The following OR2L3 variants were observed in gnomAD, a reference collection of about 807,000 sequenced individuals.
OR2L3 encodes olfactory receptor family 2 subfamily L member 3.
For missense variants in OR2L3, 369 were observed against 376.6 expected, an observed-to-expected ratio of 0.98 and a Z score of 0.17; for synonymous variants, 131 against 139.1, an observed-to-expected ratio of 0.94 and a Z score of 0.41.
chr1:248,055,038 C>T (rs551174533), intron 1 of OR2L3, among the ~76,000 whole-genome samples: 2 of 152,224 alleles, frequency 1.3e-5, no homozygotes, highest in East Asian at 3.9e-4. Context: ...GGAATGCTTC[C>T]AGTTTTTGCC....
intron 1 of OR2L3, among the ~76,000 whole-genome samples, chr1:248,055,405 T>C (rs1663402099): frequency 2.0e-5 from 3 of 152,182 alleles, no homozygotes; most frequent in Admixed American, 2.0e-4. Context: ...AGTTTTCTTT[T>C]TTTTTTGTTA....
rs757282457 is a variant in OR2L3, at chr1:248,061,393, C to T, written c.712C>T (p.Leu238=). The T allele has an allele frequency of 1.9e-5, 30 of 1,613,958 alleles. No homozygotes were observed. The highest frequency in any genetic ancestry group is 1.7e-4 in the African/African-American group (13 of 74,878). The change falls in exon 2 of 2, where the codon CTG becomes TTG. Residue 238 remains leucine, a synonymous_variant. Coordinates refer to ENST00000359959, the MANE Select transcript of OR2L3 (RefSeq NM_001004687.2). ...TGCAGAAGGGAGGAAGAAAGCCTACCTGACCTGCAGCACCCACCTCACTGT... is the reference window on the plus strand; with the variant it reads ...TGCAGAAGGGAGGAAGAAAGCCTACTTGACCTGCAGCACCCACCTCACTGT... ...KSAEGRKKAY[L]TCSTHLTVVT... is the part of the protein sequence containing the mutation.
rs1257946024 is a variant in OR2L3, at chr1:248,061,343, T to C, written c.662T>C (p.Leu221Pro). ...IAISCSYGRV[L>P]LAVYHMKSAE... ...ATTTCATGTTCCTATGGCCGGGTTCTCCTTGCTGTCTACCACATGAAATCT... is the reference window on the plus strand; with the variant it reads ...ATTTCATGTTCCTATGGCCGGGTTCCCCTTGCTGTCTACCACATGAAATCT... Residue 221 changes from leucine (L) to proline (P), a missense_variant, in exon 2 of 2, where the codon CTC becomes CCC. By Grantham distance (98) the Leu-to-Pro change is moderately conservative. Coordinates refer to ENST00000359959, the MANE Select transcript of OR2L3 (RefSeq NM_001004687.2). 5.6e-6 allele frequency: 9 copies of C among 1,613,796 alleles called. No homozygotes were observed. The Admixed American group carries it at 1.3e-4, about 24-fold the overall frequency.
In OR2L3 at chr1:248,060,717, C is replaced by T. The variant is rs1367140085; in HGVS notation, c.36C>T (p.Ile12=). The change falls in exon 2 of 2, where the codon ATC becomes ATT. Residue 12 remains isoleucine (I), a synonymous_variant. Coordinates refer to ENST00000359959, the MANE Select transcript of OR2L3 (RefSeq NM_001004687.2). ...ACAATCAAACATCAACTGATTTCAT[C>T]TTATTAGGATTCTTCCCACCATCAA... ...ENYNQTSTDF[I]LLGFFPPSRI... is the part of the protein sequence containing the mutation. The T allele has an allele frequency of 6.2e-7, 1 of 1,613,852 alleles. No individual in the cohort carries two copies. Among genetic ancestry groups the T allele is most frequent in the Non-Finnish European group, 8.5e-7 (1 of 1,179,860 alleles).
intron 1 of OR2L3, among the ~76,000 whole-genome samples, chr1:248,048,297 C>A (rs965157390): frequency 6.6e-5 from 10 of 152,168 alleles, no homozygotes; most frequent in Admixed American, 3.3e-4. Flanking sequence ...GGTTCTCCAA[C>A]TTCATACCCT....
intron 1 of OR2L3, among the ~76,000 whole-genome samples, chr1:248,047,373 G>A (rs1437308390): frequency 6.6e-6 from 1 of 152,064 alleles, no homozygotes; most frequent in East Asian, 1.9e-4. Context: ...TGAAATGCCT[G>A]GAAAGTATTA....
Position 248,062,837 on chromosome 1 carries a change from A to G in OR2L3, c.*1217A>G, listed in dbSNP as rs1197954225. On this transcript the variant is annotated 3_prime_UTR_variant, in exon 2 of 2. Coordinates refer to ENST00000359959, the MANE Select transcript of OR2L3 (RefSeq NM_001004687.2). ...CATTGTATGCCTTTATCAAAGCATC[A>G]CATACACTCCGCAATTATATATTAC... 1 of 152,218 alleles carries G rather than the reference A, an allele frequency of 6.6e-6. No individual in the cohort carries two copies. Among genetic ancestry groups the G allele is most frequent in the Non-Finnish European group, 1.5e-5 (1 of 68,038 alleles). The allele number at this position is 152,218 out of a possible 1,614,324, so 9.4% of individuals were successfully genotyped here.
chr1:248,061,721 G>T lies in OR2L3; in HGVS notation c.*101G>T. 9.2e-7 allele frequency: 1 copy of T among 1,083,884 alleles called. No individual in the cohort carries two copies. The highest frequency in any genetic ancestry group is 1.3e-6 in the Non-Finnish European group (1 of 785,672). The allele number at this position is 1,083,884 out of a possible 1,614,324, so 67.1% of individuals were successfully genotyped here. A position where few individuals can be genotyped will look rare whatever the true frequency, so the allele number is the denominator to read the frequency against. The stretch of plus-strand genomic sequence containing the variant: ...CAATCCTAGAGTTCAGGAGCTAAAA[G>T]TAATCAAGGTAAGAGAAAAAAATCA... On this transcript the variant is annotated 3_prime_UTR_variant, in exon 2 of 2. Transcript: ENST00000359959.
intron 1 of OR2L3, among the ~76,000 whole-genome samples, chr1:248,056,203 G>T (rs1663427789): frequency 6.6e-6 from 1 of 151,920 alleles, no homozygotes; most frequent in Non-Finnish European, 1.5e-5. Flanking sequence ...TTAAGTTTTA[G>T]GGTACATGTG....
At chr1:248,058,489 A>G (rs1029887178) in intron 1 of OR2L3, among the ~76,000 whole-genome samples, 1 of 152,092 alleles carries the variant, frequency 6.6e-6, no homozygotes, top group Non-Finnish European at 1.5e-5. Context: ...TATGGAATTT[A>G]TTGCTACAAT....
chr1:248,058,738 AT>A lies in OR2L3; in HGVS notation c.-21-1918del, dbSNP rs201717059. On this transcript the variant is annotated intron_variant, in intron 1 of 1. Transcript: ENST00000359959. ...GTTAATATATTTCATTTCAGAGAAA[AT>A]TTTTAAAGAATATTAACTTCATTAT... Among the ~76,000 whole-genome samples, 899 of 152,068 alleles carry A rather than the reference AT, an allele frequency of 5.9e-3. 17 individuals carry two copies. The highest frequency in any genetic ancestry group is 0.021 in the African/African-American group (861 of 41,528).
At chr1:248,060,088 A>G (rs551773220) in intron 1 of OR2L3, among the ~76,000 whole-genome samples, 1 of 152,274 alleles carries the variant, frequency 6.6e-6, no homozygotes, top group South Asian at 2.1e-4. Flanking sequence ...TCATCCTATA[A>G]AGATAATACT....
In OR2L3 at chr1:248,063,271, T is replaced by A. The variant is rs1572709418; in HGVS notation, c.*1651T>A. 6.6e-6 allele frequency: 1 copy of A among 152,380 alleles called. No individual in the cohort carries two copies. Among genetic ancestry groups the A allele is most frequent in the African/African-American group, 2.4e-5 (1 of 41,592 alleles). The allele number at this position is 152,380 out of a possible 1,614,324, so 9.4% of individuals were successfully genotyped here. Reference sequence around the variant, plus strand: ...CTCTTCATTTTCTTTCACCAGTGATTTGTACAAATACATTCTAGTGTTCTC... The same window carrying A: ...CTCTTCATTTTCTTTCACCAGTGATATGTACAAATACATTCTAGTGTTCTC... On this transcript the variant is annotated 3_prime_UTR_variant, in exon 2 of 2. Transcript: ENST00000359959.
rs1572709468 is a variant in OR2L3 at position 248,063,316 on chromosome 1, G to T, written c.*1696G>T. The T allele has an allele frequency of 1.3e-5, 2 of 152,130 alleles. No individual in the cohort carries two copies. The highest frequency in any genetic ancestry group is 4.8e-5 in the African/African-American group (2 of 41,428). The allele number at this position is 152,130 out of a possible 1,614,324, so 9.4% of individuals were successfully genotyped here. ...GTTCTCTTCCATGACTACCGTTAAC[G>T]GTAAAGTATTACATAGTGCAATGCT... On this transcript the variant is annotated 3_prime_UTR_variant, in exon 2 of 2. Coordinates refer to ENST00000359959, the MANE Select transcript of OR2L3 (RefSeq NM_001004687.2).
At chr1:248,052,558 C>T (rs546497668) in intron 1 of OR2L3, among the ~76,000 whole-genome samples, 2 of 152,164 alleles carry the variant, frequency 1.3e-5, no homozygotes, top group East Asian at 3.9e-4. Flanking sequence ...GAAACCCCAT[C>T]TCTACTAAAA....
At chr1:248,048,772 G>T (rs1663164095) in intron 1 of OR2L3, among the ~76,000 whole-genome samples, 1 of 152,060 alleles carries the variant, frequency 6.6e-6, no homozygotes, top group Admixed American at 6.6e-5. Flanking sequence ...CGCTTCAGAA[G>T]ACAGGAAGTA....
chr1:248,049,186 T>C (rs1663178720), intron 1 of OR2L3, among the ~76,000 whole-genome samples: 1 of 152,178 alleles, frequency 6.6e-6, no homozygotes, highest in Non-Finnish European at 1.5e-5. Flanking sequence ...CTTCAAATCT[T>C]GTGATTCAGT....
intron 1 of OR2L3, among the ~76,000 whole-genome samples, chr1:248,049,200 T>C (rs1395225057): frequency 6.6e-6 from 1 of 152,178 alleles, no homozygotes; most frequent in East Asian, 1.9e-4. Context: ...ATTCAGTTTT[T>C]CTTCCTTGTG....
chr1:248,053,242 A>G (rs561538367), intron 1 of OR2L3, among the ~76,000 whole-genome samples: 6 of 152,308 alleles, frequency 3.9e-5, no homozygotes, highest in Admixed American at 1.3e-4. Flanking sequence ...GCTGAGGATA[A>G]TGGCTTCCAG....
Sources: gnomAD v4.1 joint callset for allele counts (sites outside exome capture counted in the v4.1 genomes callset) on GRCh38, gnomAD v4.1.1 for gene constraint, MANE v1.5 for transcripts, NCBI Gene and HGNC (gene_info 2026-07-23, HGNC 2026-07-21) for gene names.